Variants in ESYT2 observed in about 807,000 individuals in gnomAD.
The protein encoded by ESYT2 is extended synaptotagmin-2.
A neutral mutation model predicts 107.2 loss-of-function variants in ESYT2; 54 were observed. The ratio of observed to expected loss-of-function variants is 0.50; its 90% CI spans 0.40 to 0.63. The LOEUF is 0.63. Ranked by LOEUF, ESYT2 falls within the 30% of genes least tolerant of loss-of-function variation. The probability of loss-of-function intolerance (pLI) is 0.00; values close to 1 mark genes in which losing one functional copy is unlikely to be tolerated. For missense variants in ESYT2, 1,020 were observed against 1,094.5 expected, an observed-to-expected ratio of 0.93 and a Z score of 0.96; for synonymous variants, 491 against 434.1, an observed-to-expected ratio of 1.13 and a Z score of -1.63.
chr7:158,828,426 C>G (rs1840518540), intron 1 of ESYT2, among the ~76,000 whole-genome samples: 2 of 152,240 alleles, frequency 1.3e-5, no homozygotes, highest in African/African-American at 4.8e-5. Context: ...CGGGCGGCAC[C>G]AGGAGGAAGC....
intron 6 of ESYT2, among the ~76,000 whole-genome samples, chr7:158,775,687 C>CCTT (rs1838537899): frequency 6.6e-6 from 1 of 152,192 alleles, no homozygotes; most frequent in Non-Finnish European, 1.5e-5. Context: ...ACCTGCACTT[C>CCTT]CTTCTTCCAC....
intron 6 of ESYT2, among the ~76,000 whole-genome samples, chr7:158,775,494 AT>A (rs2129472657): frequency 6.6e-6 from 1 of 152,342 alleles, no homozygotes; most frequent in South Asian, 2.1e-4. Context: ...TAAATCGCTT[AT>A]TGTCATTTCA....
At chr7:158,803,776 G>A (rs1358504953) in intron 1 of ESYT2, among the ~76,000 whole-genome samples, 3 of 150,434 alleles carry the variant, frequency 2.0e-5, no homozygotes, top group East Asian at 2.0e-4. Flanking sequence ...CCAAACCGCC[G>A]AGAAGGGTGA....
intron 1 of ESYT2, among the ~76,000 whole-genome samples, chr7:158,828,826 G>A (rs1840538131): frequency 6.6e-6 from 1 of 151,620 alleles, no homozygotes; most frequent in East Asian, 2.0e-4. Context: ...GGGCCGGGGG[G>A]CGGGGCGGGG....
rs1839377252 is a variant in ESYT2, at chr7:158,793,735, A to C, written c.508-9T>G. The C allele has an allele frequency of 2.5e-6, 4 of 1,609,786 alleles. No homozygotes were observed. The highest frequency in any genetic ancestry group is 3.4e-6 in the Non-Finnish European group (4 of 1,177,584). On this transcript the variant is annotated splice_polypyrimidine_tract_variant and intron_variant, in intron 3 of 22. Coordinates refer to ENST00000275418, the MANE Select transcript of ESYT2 (RefSeq NM_001367773.1). The stretch of plus-strand genomic sequence containing the variant: ...CCATTGATCCTGAGGGGCTGAAATA[A>C]GAAGTAGCTTATTTTAAGATACAGA...
chr7:158,760,705 C>G (rs1386841206), intron 11 of ESYT2, among the ~76,000 whole-genome samples: 2 of 152,216 alleles, frequency 1.3e-5, no homozygotes, highest in African/African-American at 4.8e-5. Context: ...ACGATTTAAT[C>G]TGTTTGTTCT....
chr7:158,813,428 C>T (rs1029984901), intron 1 of ESYT2, among the ~76,000 whole-genome samples: 2 of 152,166 alleles, frequency 1.3e-5, no homozygotes, highest in Non-Finnish European at 2.9e-5. Flanking sequence ...TAGTATTAAA[C>T]ATATCAACTC....
chr7:158,764,413 T>C (rs1838079081), intron 9 of ESYT2, among the ~76,000 whole-genome samples: 1 of 152,220 alleles, frequency 6.6e-6, no homozygotes, highest in African/African-American at 2.4e-5. Flanking sequence ...GCTACTCACA[T>C]TATGAAAAAT....
intron 19 of ESYT2, among the ~76,000 whole-genome samples, chr7:158,737,716 A>G (rs1373089746): frequency 6.6e-6 from 1 of 152,178 alleles, no homozygotes; most frequent in Non-Finnish European, 1.5e-5. Context: ...GAATATATGA[A>G]CTTCTCAAGA....
In ESYT2 at chr7:158,794,226, G is replaced by A. The variant is rs150186569; in HGVS notation, c.508-500C>T. 2.4e-3 allele frequency among the ~76,000 whole-genome samples: 367 copies of A among 152,322 alleles called. 6 individuals carry two copies. Among genetic ancestry groups the A allele is most frequent in the Middle Eastern group, 0.02 (6 of 294 alleles). On this transcript the variant is annotated intron_variant, in intron 3 of 22. Coordinates refer to ENST00000275418, the MANE Select transcript of ESYT2 (RefSeq NM_001367773.1). ...AAGACTTTCACGCCCAGGCGTGGCC[G>A]CTCAGGTCTGTAATTCCAACACTTT... is the stretch of plus-strand genomic sequence containing the variant.
intron 10 of ESYT2, among the ~76,000 whole-genome samples, chr7:158,762,511 T>A (rs546606529): frequency 6.6e-6 from 1 of 152,304 alleles, no homozygotes; most frequent in East Asian, 1.9e-4. Flanking sequence ...TTTAATTCAG[T>A]CAAATAACTT....
At chr7:158,810,669 G>A (rs190035581) in intron 1 of ESYT2, among the ~76,000 whole-genome samples, 9 of 150,808 alleles carry the variant, frequency 6.0e-5, no homozygotes, top group Admixed American at 5.3e-4. Flanking sequence ...GTGATAGAGC[G>A]AGACCCTGTC....
chr7:158,781,134 T>C (rs1355797150), intron 6 of ESYT2, among the ~76,000 whole-genome samples: 2 of 152,250 alleles, frequency 1.3e-5, no homozygotes, highest in East Asian at 3.9e-4. Context: ...CGAGAACAAG[T>C]GTGAAACGAA....
rs535172463 is a variant in ESYT2, at chr7:158,770,523, T to A, written c.804-2749A>T. 3.4e-4 allele frequency among the ~76,000 whole-genome samples: 51 copies of A among 151,124 alleles called. No individual in the cohort carries two copies. The East Asian group carries it at 3.9e-3, about 11-fold the overall frequency. On this transcript the variant is annotated intron_variant, in intron 7 of 22. Transcript: ENST00000275418. Reference sequence around the variant, plus strand: ...CATATACGATTATATATATATATATTTTTTTTCCTGAGACGGAGTCTCACT... The same window carrying A: ...CATATACGATTATATATATATATATATTTTTTCCTGAGACGGAGTCTCACT...
intron 22 of ESYT2, 69 bp downstream of exon 22, chr7:158,734,353 T>G: frequency 6.2e-7 from 1 of 1,610,470 alleles, no homozygotes; most frequent in African/African-American, 1.3e-5. Context: ...TGGGGGACAC[T>G]ACCCACTGGG....
intron 6 of ESYT2, among the ~76,000 whole-genome samples, chr7:158,779,998 G>A (rs568165684): frequency 7.2e-5 from 11 of 152,176 alleles, no homozygotes; most frequent in Non-Finnish European, 1.6e-4. Flanking sequence ...CCCCATTATT[G>A]TGACACCCTA....
intron 20 of ESYT2, among the ~76,000 whole-genome samples, chr7:158,735,956 C>T (rs1044595777): frequency 8.5e-5 from 13 of 152,164 alleles, no homozygotes; most frequent in African/African-American, 2.9e-4. Flanking sequence ...TCCAGAGCAG[C>T]CCACTCACTC....
rs552303847 is a variant in ESYT2 at position 158,812,967 on chromosome 7, T to C, written c.331-13895A>G. 3.9e-5 allele frequency among the ~76,000 whole-genome samples: 6 copies of C among 152,308 alleles called. No homozygotes were observed. In the East Asian group the frequency reaches 9.6e-4, roughly 24 times the overall value. On this transcript the variant is annotated intron_variant, in intron 1 of 22. Transcript: ENST00000275418. The stretch of plus-strand genomic sequence containing the variant: ...ACCACGAATGGGCACAAAACAGGGT[T>C]CCTTTTAGGGCAGAGAAAATGTTTT...
At chr7:158,745,385 G>GA (rs1460664034) in intron 16 of ESYT2, among the ~76,000 whole-genome samples, 12 of 152,088 alleles carry the variant, frequency 7.9e-5, no homozygotes, top group Non-Finnish European at 1.5e-4. Flanking sequence ...AGAGGCTGAG[G>GA]AAAAAAACAT....
Sources: allele counts gnomAD v4.1 joint callset (sites outside exome capture counted in the v4.1 genomes callset), GRCh38; gene constraint gnomAD v4.1.1; transcripts MANE v1.5; gene names NCBI Gene and HGNC (gene_info 2026-07-23, HGNC 2026-07-21).